CACNA2D3: variants seen among roughly 807,000 people sequenced by gnomAD.
The protein encoded by CACNA2D3 is voltage-dependent calcium channel subunit alpha-2/delta-3.
CACNA2D3 carries 60 observed loss-of-function variants against 160.6 expected under a neutral mutation model. That is an observed-to-expected ratio of 0.37 (90% CI 0.30 to 0.46). CACNA2D3 has a LOEUF of 0.46. Ranked by LOEUF, CACNA2D3 falls within the 20% of genes least tolerant of loss-of-function variation. The probability of loss-of-function intolerance (pLI) is 1.00; values close to 1 mark genes in which losing one functional copy is unlikely to be tolerated. For missense variants in CACNA2D3, 1,205 were observed against 1,365.0 expected (o/e 0.88, Z 1.85); for synonymous variants, 558 against 492.9 (o/e 1.13, Z -1.75).
chr3:54,789,837 G>T lies in CACNA2D3; in HGVS notation c.1380+25486G>T, dbSNP rs189396496. ...TAAAGTGAGCCCGAGCTTAAAATGA[G>T]CTGGGGCTTGAGGGATCTCCAGGTC... On this transcript the variant is annotated intron_variant, in intron 13 of 37. Transcript: ENST00000474759. 1.5e-5 allele frequency: 8 copies of T among 516,954 alleles called. No individual in the cohort carries two copies. The East Asian group carries it at 3.8e-4, about 25-fold the overall frequency. The allele number at this position is 516,954 out of a possible 1,614,324, so 32.0% of individuals were successfully genotyped here.
At chr3:55,062,359 C>T (rs541663943) in intron 35 of CACNA2D3, among the ~76,000 whole-genome samples, 3 of 151,948 alleles carry the variant, frequency 2.0e-5, no homozygotes, top group Non-Finnish European at 4.4e-5. Flanking sequence ...AGCGACCCTC[C>T]TTCCTTGGCC....
intron 4 of CACNA2D3, among the ~76,000 whole-genome samples, chr3:54,392,919 A>G (rs1327520768): frequency 6.6e-6 from 1 of 152,188 alleles, no homozygotes; most frequent in Non-Finnish European, 1.5e-5. Flanking sequence ...TGGGAGAGTG[A>G]TGTCAACAAG....
intron 2 of CACNA2D3, among the ~76,000 whole-genome samples, chr3:54,168,193 G>T (rs1294914100): frequency 6.6e-6 from 1 of 152,194 alleles, no homozygotes; most frequent in Non-Finnish European, 1.5e-5. Flanking sequence ...CAGTTAAGTG[G>T]CTGGTGGAAA....
At chr3:54,207,859 C>T (rs75407252) in intron 2 of CACNA2D3, among the ~76,000 whole-genome samples, 2,226 of 152,142 alleles carry the variant, frequency 0.015, 55 homozygotes, top group African/African-American at 0.05. Context: ...TTAGCTATCT[C>T]GGTGCATCTA....
chr3:54,223,828 GGT>G (rs1242190095), intron 2 of CACNA2D3, among the ~76,000 whole-genome samples: 1 of 146,534 alleles, frequency 6.8e-6, no homozygotes, highest in African/African-American at 2.5e-5. Flanking sequence ...CTCCAGCCTG[GGT>G]GACAGAGCGA....
chr3:54,525,917 A>G (rs1460652196), intron 5 of CACNA2D3, among the ~76,000 whole-genome samples: 5 of 151,858 alleles, frequency 3.3e-5, no homozygotes, highest in Admixed American at 1.3e-4. Flanking sequence ...ATATCCTTCA[A>G]TATCTTTTTC....
intron 31 of CACNA2D3, among the ~76,000 whole-genome samples, chr3:54,998,628 G>A (rs750220269): frequency 1.7e-4 from 26 of 152,194 alleles, no homozygotes; most frequent in Admixed American, 1.6e-3. Flanking sequence ...TCCCCATTCA[G>A]TGTTCAGCAG....
chr3:54,807,756 A>G (rs982214177), intron 13 of CACNA2D3, among the ~76,000 whole-genome samples: 5 of 152,022 alleles, frequency 3.3e-5, no homozygotes, highest in East Asian at 3.9e-4. Context: ...ACATGCACAC[A>G]TATGTTTATT....
intron 2 of CACNA2D3, among the ~76,000 whole-genome samples, chr3:54,142,681 C>T (rs967081494): frequency 6.6e-6 from 1 of 152,124 alleles, no homozygotes; most frequent in East Asian, 1.9e-4. Context: ...GACATATTAC[C>T]TCACTAAATC....
rs141516486 is a variant in CACNA2D3, at chr3:54,478,938, A to G, written c.382-24554A>G. Among the ~76,000 whole-genome samples, 254 of 151,812 alleles carry G rather than the reference A, an allele frequency of 1.7e-3. 2 individuals are homozygous for G. Among genetic ancestry groups the G allele is most frequent in the African/African-American group, 5.6e-3 (233 of 41,384 alleles). ...AAATTAAACTTTATCATTGATATGT[A>G]TATATATAAAAAACCCATCTCATAT... On this transcript the variant is annotated intron_variant, in intron 4 of 37. Transcript: ENST00000474759.
In CACNA2D3 at chr3:54,449,957, G is replaced by A. The variant is rs112546389; in HGVS notation, c.382-53535G>A. ...TCTCTACTATTTGTCCCGTCTTTTG[G>A]ATATTTTTTATATAAATGTAATAAT... On this transcript the variant is annotated intron_variant, in intron 4 of 37. Coordinates refer to ENST00000474759, the MANE Select transcript of CACNA2D3 (RefSeq NM_018398.3). Among the ~76,000 whole-genome samples the A allele has an allele frequency of 8.5e-3, 1,290 of 152,166 alleles. 12 individuals are homozygous for A. The highest frequency in any genetic ancestry group is 0.013 in the Non-Finnish European group (898 of 68,002).
At chr3:54,669,331 A>G (rs550245694) in intron 11 of CACNA2D3, among the ~76,000 whole-genome samples, 1 of 152,322 alleles carries the variant, frequency 6.6e-6, no homozygotes, top group African/African-American at 2.4e-5. Context: ...GCATTGTGTA[A>G]AGGAATGTTT....
intron 35 of CACNA2D3, among the ~76,000 whole-genome samples, chr3:55,058,961 T>G (rs1273601615): frequency 6.6e-6 from 1 of 152,182 alleles, no homozygotes; most frequent in East Asian, 1.9e-4. Context: ...CAAAACTGGC[T>G]TCATATTTAG....
intron 13 of CACNA2D3, among the ~76,000 whole-genome samples, chr3:54,765,153 T>A (rs934541985): frequency 4.6e-5 from 7 of 152,130 alleles, no homozygotes; most frequent in Non-Finnish European, 2.9e-5. Context: ...GTGATCTCAA[T>A]GGCTGTCATG....
intron 25 of CACNA2D3, among the ~76,000 whole-genome samples, chr3:54,891,746 CTGGGGG>C (rs1700074179): frequency 6.6e-6 from 1 of 152,182 alleles, no homozygotes; most frequent in Non-Finnish European, 1.5e-5. Flanking sequence ...GGTGCGGCTG[CTGGGGG>C]AGCCGCCAGA....
Position 54,752,528 on chromosome 3 carries a change from G to T in CACNA2D3, c.1168-71G>T, listed in dbSNP as rs140543607. On this transcript the variant is annotated intron_variant, in intron 11 of 37. Coordinates refer to ENST00000474759, the MANE Select transcript of CACNA2D3 (RefSeq NM_018398.3). ...AAAGAGGTAAGCCACATGTGTGTGA[G>T]CCATGCATGTGATCTGTGCAGGATG... 2.3e-4 allele frequency: 223 copies of T among 983,484 alleles called. 1 individual carries two copies. The African/African-American group carries it at 2.9e-3, about 13-fold the overall frequency. 60.9% of individuals were successfully genotyped at this position (983,484 alleles called of 1,614,324 possible).
chr3:54,672,981 A>G (rs567316647), intron 11 of CACNA2D3, among the ~76,000 whole-genome samples: 15 of 152,340 alleles, frequency 9.8e-5, no homozygotes, highest in African/African-American at 3.6e-4. Flanking sequence ...AGGAATGACA[A>G]GTAAATTTAC....
chr3:54,143,310 T>C lies in CACNA2D3; in HGVS notation c.204+19716T>C, dbSNP rs145324586. On this transcript the variant is annotated intron_variant, in intron 2 of 37. Transcript: ENST00000474759. ...AGAAGTGCTAGAGACAAGAATTTCC[T>C]TGTGTTCATGTATAAATGCTGGATG... Among the ~76,000 whole-genome samples the C allele has an allele frequency of 6.7e-3, 1,017 of 152,306 alleles. 8 individuals are homozygous for C. Among genetic ancestry groups the C allele is most frequent in the African/African-American group, 0.023 (946 of 41,568 alleles).
intron 17 of CACNA2D3, among the ~76,000 whole-genome samples, chr3:54,853,481 G>A (rs1699104709): frequency 6.6e-6 from 1 of 152,148 alleles, no homozygotes; most frequent in Admixed American, 6.5e-5. Flanking sequence ...CAGAAATGTG[G>A]TTGGTTAAGC....
Sources: gnomAD v4.1 joint callset for allele counts (sites outside exome capture counted in the v4.1 genomes callset) on GRCh38, gnomAD v4.1.1 for gene constraint, MANE v1.5 for transcripts, NCBI Gene and HGNC (gene_info 2026-07-23, HGNC 2026-07-21) for gene names.